Variants in NDUFAF2 observed in about 807,000 individuals in gnomAD.
NDUFAF2 encodes the protein NADH:ubiquinone oxidoreductase complex assembly factor 2.
NDUFAF2 carries 13 observed loss-of-function variants against 22.8 expected under a neutral mutation model. The observed-to-expected ratio is 0.57, with a 90% CI of 0.37 to 0.91. NDUFAF2 has a LOEUF of 0.91. Ranked by LOEUF, NDUFAF2 falls within the 40% of genes least tolerant of loss-of-function variation. The pLI is 0.01. For synonymous variants in NDUFAF2, 53 were observed against 64.2 expected (o/e 0.83, Z 0.84); for missense variants, 162 against 195.2 (o/e 0.83, Z 1.01).
At chr5:61,112,981 C>T (rs764131539) in intron 3 of NDUFAF2, among the ~76,000 whole-genome samples, 19 of 151,636 alleles carry the variant, frequency 1.3e-4, no homozygotes, top group Non-Finnish European at 2.4e-4. Context: ...TGTAAACTGC[C>T]GACAACTTAA....
chr5:61,143,263 C>T (rs886388612), intron 3 of NDUFAF2, among the ~76,000 whole-genome samples: 1 of 152,042 alleles, frequency 6.6e-6, no homozygotes, highest in African/African-American at 2.4e-5. Flanking sequence ...TTATAATCTA[C>T]ATAAATCGTT....
chr5:61,093,883 G>T (rs772749348), intron 2 of NDUFAF2, among the ~76,000 whole-genome samples: 10 of 152,114 alleles, frequency 6.6e-5, no homozygotes, highest in Non-Finnish European at 8.8e-5. Context: ...CTATGAATCT[G>T]TCTGGTCCTG....
At chr5:61,085,389 G>A (rs931078895) in intron 2 of NDUFAF2, among the ~76,000 whole-genome samples, 8 of 151,856 alleles carry the variant, frequency 5.3e-5, no homozygotes, top group Admixed American at 1.3e-4. Context: ...GAAAAGAAGC[G>A]CCTCAACCTG....
At chr5:61,043,521 T>C (rs955403260) in intron 1 of NDUFAF2, among the ~76,000 whole-genome samples, 11 of 152,108 alleles carry the variant, frequency 7.2e-5, no homozygotes, top group African/African-American at 1.4e-4. Context: ...ACCCACAATT[T>C]AGCTCTGTTT....
intron 1 of NDUFAF2, among the ~76,000 whole-genome samples, chr5:61,018,075 C>T (rs758773833): frequency 1.3e-5 from 2 of 152,116 alleles, no homozygotes; most frequent in Non-Finnish European, 2.9e-5. Flanking sequence ...ATTATAAGTA[C>T]ATACAAAGGT....
At chr5:61,058,548 A>G (rs1159051644) in intron 1 of NDUFAF2, among the ~76,000 whole-genome samples, 1 of 152,038 alleles carries the variant, frequency 6.6e-6, no homozygotes, top group Non-Finnish European at 1.5e-5. Context: ...AAATTCTTGT[A>G]TAATGTCTTA....
At chr5:61,041,022 A>G (rs1423135676) in intron 1 of NDUFAF2, among the ~76,000 whole-genome samples, 1 of 152,200 alleles carries the variant, frequency 6.6e-6, no homozygotes, top group Non-Finnish European at 1.5e-5. Context: ...ACAGCTGAAA[A>G]TAACTGCTTA....
chr5:60,989,309 T>C (rs1561535913), intron 1 of NDUFAF2, among the ~76,000 whole-genome samples: 1 of 152,154 alleles, frequency 6.6e-6, no homozygotes, highest in Non-Finnish European at 1.5e-5. Context: ...ACACTGCTGG[T>C]AGGAGTGTAA....
At chr5:60,970,819 A>T (rs975074994) in intron 1 of NDUFAF2, among the ~76,000 whole-genome samples, 1 of 152,148 alleles carries the variant, frequency 6.6e-6, no homozygotes, top group Non-Finnish European at 1.5e-5. Context: ...CATTATTGAG[A>T]TGTAAAGTTC....
chr5:61,019,822 C>T (rs1448962348), intron 1 of NDUFAF2, among the ~76,000 whole-genome samples: 1 of 151,998 alleles, frequency 6.6e-6, no homozygotes, highest in Non-Finnish European at 1.5e-5. Context: ...AGATTATGTT[C>T]ACCTCTTAAA....
At chr5:60,988,048 T>G (rs1028792116) in intron 1 of NDUFAF2, among the ~76,000 whole-genome samples, 5 of 152,022 alleles carry the variant, frequency 3.3e-5, no homozygotes, top group Non-Finnish European at 7.4e-5. Context: ...AAAAAGCAGC[T>G]TAAGCAACTT....
chr5:61,074,674 C>T (rs1195041700), intron 2 of NDUFAF2, among the ~76,000 whole-genome samples: 5 of 152,132 alleles, frequency 3.3e-5, no homozygotes, highest in African/African-American at 1.2e-4. Context: ...GCAGGAGAAT[C>T]GCTTGAACCC....
At chr5:60,982,391 T>G (rs192775024) in intron 1 of NDUFAF2, among the ~76,000 whole-genome samples, 1 of 152,204 alleles carries the variant, frequency 6.6e-6, no homozygotes, top group African/African-American at 2.4e-5. Flanking sequence ...CGTTTTTATT[T>G]TTTAATTTTT....
At chr5:60,996,511 GGA>G (rs1294921418) in intron 1 of NDUFAF2, among the ~76,000 whole-genome samples, 2 of 152,084 alleles carry the variant, frequency 1.3e-5, no homozygotes, top group African/African-American at 4.8e-5. Flanking sequence ...CATGGGGTTA[GGA>G]GAGAGGTGAT....
intron 1 of NDUFAF2, among the ~76,000 whole-genome samples, chr5:61,051,357 C>G (rs140134125): frequency 1.0e-3 from 159 of 152,248 alleles, no homozygotes; most frequent in African/African-American, 3.4e-3. Context: ...AATCTGTGTT[C>G]CTAACCATCT....
intron 3 of NDUFAF2, among the ~76,000 whole-genome samples, chr5:61,148,977 C>G (rs987870336): frequency 6.6e-6 from 1 of 151,868 alleles, no homozygotes; most frequent in African/African-American, 2.4e-5. Flanking sequence ...TTGGTTTATT[C>G]ATTTATTTTT....
At chr5:60,966,649 A>G (rs936114587) in intron 1 of NDUFAF2, among the ~76,000 whole-genome samples, 20 of 152,130 alleles carry the variant, frequency 1.3e-4, no homozygotes, top group African/African-American at 4.8e-4. Flanking sequence ...GCATCTTTGT[A>G]AAAAATCTAT....
At chr5:61,016,415 T>A (rs974826681) in intron 1 of NDUFAF2, among the ~76,000 whole-genome samples, 11 of 152,196 alleles carry the variant, frequency 7.2e-5, no homozygotes, top group African/African-American at 2.7e-4. Context: ...GGATGATTGC[T>A]TTCATTGTAT....
intron 1 of NDUFAF2, among the ~76,000 whole-genome samples, chr5:61,008,780 T>C (rs1023532832): frequency 2.6e-5 from 4 of 152,116 alleles, no homozygotes; most frequent in African/African-American, 9.6e-5. Context: ...TGTTTGTTTC[T>C]TTCTATTATC....
Sources: allele counts gnomAD v4.1 joint callset (sites outside exome capture counted in the v4.1 genomes callset), GRCh38; gene constraint gnomAD v4.1.1; transcripts MANE v1.5; gene names NCBI Gene and HGNC (gene_info 2026-07-23, HGNC 2026-07-21).